MYBPHL: variants seen among roughly 807,000 people sequenced by gnomAD.
The protein encoded by MYBPHL is myosin binding protein H like.
A neutral mutation model predicts 39.5 loss-of-function variants in MYBPHL; 32 were observed. The observed-to-expected ratio is 0.81, with a 90% CI of 0.61 to 1.09. The LOEUF is 1.09. Among genes scored for constraint, MYBPHL ranks in the 50% least tolerant of loss-of-function variants. The pLI is 0.00. For synonymous variants in MYBPHL, 196 were observed against 183.7 expected (o/e 1.07, Z -0.54); for missense variants, 456 against 460.2 (o/e 0.99, Z 0.08).
chr1:109,302,809 A>C (rs573946753), intron 1 of MYBPHL, among the ~76,000 whole-genome samples: 3 of 152,190 alleles, frequency 2.0e-5, no homozygotes, highest in African/African-American at 7.2e-5. Context: ...TGGCCAAAAA[A>C]AATGTATGTT....
At chr1:109,296,061 C>T (rs1361096469) in intron 6 of MYBPHL, among the ~76,000 whole-genome samples, 173 bp downstream of exon 6, 2 of 152,294 alleles carry the variant, frequency 1.3e-5, no homozygotes, top group East Asian at 1.9e-4. Context: ...CTCATCAGTC[C>T]GTCTTGGACT....
intron 6 of MYBPHL, 150 bp downstream of exon 6, chr1:109,296,084 C>G (rs541570441): frequency 3.1e-5 from 29 of 944,402 alleles, no homozygotes; most frequent in Admixed American, 1.8e-4. Context: ...AAGCACCCCC[C>G]CGACTGTTCC....
chr1:109,297,125 T>C lies in MYBPHL; in HGVS notation c.495A>G (p.Glu165=). Residue 165 remains glutamate (E), a synonymous_variant, in exon 4 of 9, where the codon GAA becomes GAG. Coordinates refer to ENST00000357155, the MANE Select transcript of MYBPHL (RefSeq NM_001010985.3). Reference sequence around the variant, plus strand: ...TCCCCGTATCTTGGGGCGGTGTCCATTCCAGTGTAGCGCTGAAGCCCCAAA... The same window carrying C: ...TCCCCGTATCTTGGGGCGGTGTCCACTCCAGTGTAGCGCTGAAGCCCCAAA... ...VDVWGFSATL[E]WTPPQDTGNT... 1 of 1,614,122 alleles carries C rather than the reference T, an allele frequency of 6.2e-7. No homozygotes were observed. The highest frequency in any genetic ancestry group is 8.5e-7 in the Non-Finnish European group (1 of 1,180,018).
Position 109,296,309 on chromosome 1 carries a change from G to T in MYBPHL, c.792C>A (p.Thr264=). ...QRDFSEAPKF[T]QPLADCTTVT... is the part of the protein sequence containing the mutation. Reference sequence around the variant, plus strand: ...CTGTAGTGCAGTCGGCCAGAGGCTGGGTAAACTTTGGGGCTTCAGAGAAGT... The same window carrying T: ...CTGTAGTGCAGTCGGCCAGAGGCTGTGTAAACTTTGGGGCTTCAGAGAAGT... Residue 264 remains threonine (T), a synonymous_variant, in exon 6 of 9, where the codon ACC becomes ACA. Transcript: ENST00000357155. The T allele has an allele frequency of 6.2e-6, 10 of 1,614,166 alleles. No homozygotes were observed. The highest frequency in any genetic ancestry group is 8.5e-6 in the Non-Finnish European group (10 of 1,180,032).
rs1039997558 is a variant in MYBPHL, at chr1:109,298,127, C to A, written c.234+42G>T. The A allele has an allele frequency of 2.0e-6, 3 of 1,518,042 alleles. No homozygotes were observed. In the African/African-American group the frequency reaches 4.3e-5, roughly 22 times the overall value. 94.0% of individuals were successfully genotyped at this position (1,518,042 alleles called of 1,614,324 possible). A position where few individuals can be genotyped will look rare whatever the true frequency, so the allele number is the denominator to read the frequency against. ...TCTGTTTCCAAATCCAAAACCTGCA[C>A]TGGCCCCAGACATGGACCCAGTATG... On this transcript the variant is annotated intron_variant, in intron 2 of 8. Coordinates refer to ENST00000357155, the MANE Select transcript of MYBPHL (RefSeq NM_001010985.3).
Position 109,295,292 on chromosome 1 carries a change from C to T in MYBPHL, c.873G>A (p.Lys291=). 1 of 1,613,558 alleles carries T rather than the reference C, an allele frequency of 6.2e-7. No individual in the cohort carries two copies. Among genetic ancestry groups the T allele is most frequent in the Non-Finnish European group, 8.5e-7 (1 of 1,179,636 alleles). Residue 291 remains lysine (K), a synonymous_variant, in exon 7 of 9, where the codon AAG becomes AAA. Transcript: ENST00000357155. ...FCCVRASPRP[K]IIWLKNKMDI... ...CCATCTTGTTCTTCAGCCAGATGAT[C>T]TTGGGCTGGAAGACAAAGATGAGGG...
chr1:109,298,368 CCTT>C (rs1658163998), intron 1 of MYBPHL, 111 bp from the exon 2 acceptor site: 1 of 930,550 alleles, frequency 1.1e-6, no homozygotes, highest in African/African-American at 1.7e-5. Context: ...CAAATTAAGC[CCTT>C]CTTAGAGGGG....
intron 8 of MYBPHL, chr1:109,292,940 C>T (rs1446417643): frequency 6.6e-6 from 1 of 152,162 alleles, no homozygotes; most frequent in African/African-American, 2.4e-5. Context: ...TCTAAAAGAG[C>T]TGTCCGGTTC....
Position 109,292,472 on chromosome 1 carries a change from G to C in MYBPHL, c.*150C>G, listed in dbSNP as rs746715304. ...GCGGGCTTCCTGGAGGCACTGAAAA[G>C]AGGGAGCACTTTGTAGCCATGACAG... is the stretch of plus-strand genomic sequence containing the variant. On this transcript the variant is annotated 3_prime_UTR_variant, in exon 9 of 9. Coordinates refer to ENST00000357155, the MANE Select transcript of MYBPHL (RefSeq NM_001010985.3). 4 of 152,260 alleles carry C rather than the reference G, an allele frequency of 2.6e-5. No individual in the cohort carries two copies. Among genetic ancestry groups the C allele is most frequent in the Non-Finnish European group, 5.9e-5 (4 of 68,050 alleles). The allele number at this position is 152,260 out of a possible 1,614,324, so 9.4% of individuals were successfully genotyped here.
At chr1:109,298,592 G>C (rs1165968659) in intron 1 of MYBPHL, among the ~76,000 whole-genome samples, 5 of 152,126 alleles carry the variant, frequency 3.3e-5, no homozygotes, top group Non-Finnish European at 7.4e-5. Flanking sequence ...TTTGTGTACA[G>C]ACCAGCCTGG....
chr1:109,294,302 ACTTT>A, intron 7 of MYBPHL, 53 bp from the exon 8 acceptor site: 1 of 1,561,386 alleles, frequency 6.4e-7, no homozygotes, highest in Non-Finnish European at 8.8e-7. Context: ...TCTCTGAGAA[ACTTT>A]CTTTCAGAGC....
intron 1 of MYBPHL, among the ~76,000 whole-genome samples, chr1:109,302,160 G>C (rs1053347021): frequency 1.1e-4 from 16 of 152,044 alleles, no homozygotes; most frequent in African/African-American, 3.9e-4. Context: ...GTGTATGAGA[G>C]TGTGTGTGTG....
At position 109,295,388 on chromosome 1, in the gene MYBPHL, T is replaced by G. The variant is rs972254272; in HGVS notation, c.868-91A>C. 7 of 1,219,470 alleles carry G rather than the reference T, an allele frequency of 5.7e-6. No individual in the cohort carries two copies. The African/African-American group carries it at 1.1e-4, about 18-fold the overall frequency. The allele number at this position is 1,219,470 out of a possible 1,614,324, so 75.5% of individuals were successfully genotyped here. A position where few individuals can be genotyped will look rare whatever the true frequency, so the allele number is the denominator to read the frequency against. On this transcript the variant is annotated intron_variant, in intron 6 of 8. Transcript: ENST00000357155. The stretch of plus-strand genomic sequence containing the variant: ...CTCAGTTTCTGGGACTCTGTCTATA[T>G]AGAGATAATGGCTTTCTGGAAGGCT...
At chr1:109,304,118 C>T (rs995631056) in intron 1 of MYBPHL, among the ~76,000 whole-genome samples, 2 of 152,224 alleles carry the variant, frequency 1.3e-5, no homozygotes, top group East Asian at 3.8e-4. Context: ...CATTTCTCAC[C>T]ATCTGACATA....
In MYBPHL at chr1:109,297,463, C is replaced by T. The variant is rs764919865; in HGVS notation, c.389G>A (p.Gly130Asp). The change falls in exon 3 of 9, where the codon GGT (glycine) becomes GAT (aspartate). Residue 130 changes from glycine to aspartate, a missense_variant. By Grantham distance (94) the Gly-to-Asp change is moderately conservative. Transcript: ENST00000357155. ...AATGGTGGCGGTGGCCTCCAGCCCACCCAGCTGCACGCGGAGTTGGTAGCG... is the reference window on the plus strand; with the variant it reads ...AATGGTGGCGGTGGCCTCCAGCCCATCCAGCTGCACGCGGAGTTGGTAGCG... ...SGRYQLRVQLGGLEATATIDI... is the reference protein window; with the variant it reads ...SGRYQLRVQLDGLEATATIDI... 22 of 1,613,246 alleles carry T rather than the reference C, an allele frequency of 1.4e-5. No homozygotes were observed. Among genetic ancestry groups the T allele is most frequent in the Non-Finnish European group, 1.7e-5 (20 of 1,179,996 alleles).
chr1:109,293,175 C>T (rs945546287), intron 8 of MYBPHL, among the ~76,000 whole-genome samples: 1 of 152,186 alleles, frequency 6.6e-6, no homozygotes, highest in African/African-American at 2.4e-5. Context: ...CTCCCCTGTC[C>T]TTACACACCC....
chr1:109,303,766 ACTGG>A (rs1272436128), intron 1 of MYBPHL, among the ~76,000 whole-genome samples: 1 of 152,172 alleles, frequency 6.6e-6, no homozygotes, highest in Non-Finnish European at 1.5e-5. Context: ...CAGTCCCTGC[ACTGG>A]CTGGCTGGCT....
intron 6 of MYBPHL, 21 bp downstream of exon 6, chr1:109,296,213 C>T (rs1014271614): frequency 6.2e-7 from 1 of 1,610,170 alleles, no homozygotes; most frequent in Non-Finnish European, 8.5e-7. Context: ...CAGCACAGTG[C>T]CCCCCAGAGC....
intron 1 of MYBPHL, among the ~76,000 whole-genome samples, chr1:109,302,171 A>T (rs1217614445): frequency 2.0e-5 from 3 of 151,716 alleles, no homozygotes; most frequent in East Asian, 1.9e-4. Context: ...TGTGTGTGTG[A>T]GAGAGAGAGG....
Sources: allele counts gnomAD v4.1 joint callset (sites outside exome capture counted in the v4.1 genomes callset), GRCh38; gene constraint gnomAD v4.1.1; transcripts MANE v1.5; gene names NCBI Gene and HGNC (gene_info 2026-07-23, HGNC 2026-07-21).